The following PLCL1 variants were observed in gnomAD, a reference collection of about 807,000 sequenced individuals.
The protein encoded by PLCL1 is inactive phospholipase C-like protein 1.
Under a neutral mutation model 84.4 loss-of-function variants are expected in PLCL1, and 41 were observed. That is an observed-to-expected ratio of 0.49 (90% CI 0.38 to 0.63). The LOEUF is 0.63. Ranked by LOEUF, PLCL1 falls within the 30% of genes least tolerant of loss-of-function variation. The probability of loss-of-function intolerance (pLI) is 0.00; values close to 1 mark genes in which losing one functional copy is unlikely to be tolerated. For missense variants in PLCL1, 1,206 were observed against 1,367.8 expected, an observed-to-expected ratio of 0.88 and a Z score of 1.87; for synonymous variants, 490 against 488.3, an observed-to-expected ratio of 1.00 and a Z score of -0.05.
intron 1 of PLCL1, among the ~76,000 whole-genome samples, chr2:197,864,855 A>C (rs1687499746): frequency 6.6e-6 from 1 of 152,222 alleles, no homozygotes. Context: ...CAGCAGTTAC[A>C]GAAGCGGTTA....
chr2:198,122,092 T>C (rs1178031588), intron 5 of PLCL1, among the ~76,000 whole-genome samples: 2 of 152,112 alleles, frequency 1.3e-5, no homozygotes, highest in Non-Finnish European at 2.9e-5. Flanking sequence ...TACATTCTAC[T>C]CTTCTAGTGC....
intron 1 of PLCL1, among the ~76,000 whole-genome samples, chr2:198,060,204 G>A (rs1009341603): frequency 5.9e-5 from 9 of 152,154 alleles, no homozygotes; most frequent in African/African-American, 1.9e-4. Flanking sequence ...ACCTTTGATA[G>A]TCTGTCCATT....
intron 1 of PLCL1, among the ~76,000 whole-genome samples, chr2:197,834,850 G>A (rs563006604): frequency 1.8e-4 from 27 of 152,266 alleles, no homozygotes; most frequent in Non-Finnish European, 3.5e-4. Context: ...ACATGCACAC[G>A]TATGTTTATT....
At chr2:198,096,466 T>C (rs1693195832) in intron 3 of PLCL1, among the ~76,000 whole-genome samples, 1 of 152,232 alleles carries the variant, frequency 6.6e-6, no homozygotes, top group Admixed American at 6.5e-5. Context: ...ATTTTCCTAA[T>C]ATATTTGATC....
At chr2:197,929,018 T>A (rs1040141276) in intron 1 of PLCL1, among the ~76,000 whole-genome samples, 1 of 152,224 alleles carries the variant, frequency 6.6e-6, no homozygotes, top group Non-Finnish European at 1.5e-5. Flanking sequence ...GAAAACATTT[T>A]AGCATTGGCA....
chr2:197,843,462 G>A (rs1244860250), intron 1 of PLCL1, among the ~76,000 whole-genome samples: 1 of 152,192 alleles, frequency 6.6e-6, no homozygotes, highest in Non-Finnish European at 1.5e-5. Context: ...TATTGGGTAT[G>A]AGTACATGTG....
chr2:198,060,536 C>T (rs1227484634), intron 1 of PLCL1, among the ~76,000 whole-genome samples: 1 of 152,172 alleles, frequency 6.6e-6, no homozygotes, highest in Non-Finnish European at 1.5e-5. Flanking sequence ...CATTTCAGTC[C>T]TACAGTTCAC....
intron 1 of PLCL1, among the ~76,000 whole-genome samples, chr2:197,832,584 T>C (rs1016252066): frequency 4.7e-5 from 7 of 149,546 alleles, no homozygotes; most frequent in Non-Finnish European, 1.0e-4. Context: ...CAAAGAGGAG[T>C]TGGTACCATT....
chr2:197,927,009 T>C (rs1688844784), intron 1 of PLCL1, among the ~76,000 whole-genome samples: 2 of 152,192 alleles, frequency 1.3e-5, no homozygotes, highest in South Asian at 4.1e-4. Context: ...TGCTTCTTCA[T>C]ATGGTTTGTC....
At chr2:198,144,814 GT>G (rs1241754587) in intron 5 of PLCL1, among the ~76,000 whole-genome samples, 1 of 152,104 alleles carries the variant, frequency 6.6e-6, no homozygotes, top group Non-Finnish European at 1.5e-5. Context: ...GCTTCCATGG[GT>G]AACAATGAAT....
chr2:197,810,855 G>A (rs1407189669), intron 1 of PLCL1, among the ~76,000 whole-genome samples: 1 of 122,034 alleles, frequency 8.2e-6, no homozygotes, highest in African/African-American at 3.6e-5. Context: ...ACTGAGATGT[G>A]CTTAACACTG....
chr2:198,089,404 G>A (rs878871044), intron 3 of PLCL1, among the ~76,000 whole-genome samples: 3 of 152,178 alleles, frequency 2.0e-5, no homozygotes, highest in Non-Finnish European at 4.4e-5. Context: ...AAGTAAACAT[G>A]TCTCAGTGCT....
intron 1 of PLCL1, among the ~76,000 whole-genome samples, chr2:198,012,816 A>G (rs1007570287): frequency 2.6e-5 from 4 of 151,700 alleles, no homozygotes; most frequent in African/African-American, 9.7e-5. Context: ...ACCAAACTGA[A>G]AGAGGTTTAG....
chr2:197,814,725 A>G (rs1247910966), intron 1 of PLCL1, among the ~76,000 whole-genome samples: 2 of 152,196 alleles, frequency 1.3e-5, no homozygotes. Flanking sequence ...GAAGGAAATT[A>G]AAAGTGCTAC....
At chr2:197,906,199 G>T (rs1015629987) in intron 1 of PLCL1, among the ~76,000 whole-genome samples, 1 of 152,108 alleles carries the variant, frequency 6.6e-6, no homozygotes, top group African/African-American at 2.4e-5. Flanking sequence ...ATGGTTTCAG[G>T]TCTTACGTTT....
chr2:198,094,336 C>G (rs1258826182), intron 3 of PLCL1, among the ~76,000 whole-genome samples: 1 of 152,182 alleles, frequency 6.6e-6, no homozygotes, highest in Non-Finnish European at 1.5e-5. Flanking sequence ...GCTGGGATTA[C>G]AGGTGTGAGC....
At chr2:197,943,625 A>ATT (rs1689209373) in intron 1 of PLCL1, among the ~76,000 whole-genome samples, 1 of 101,126 alleles carries the variant, frequency 9.9e-6, no homozygotes, top group African/African-American at 4.0e-5. Context: ...TTTTGGTTAC[A>ATT]TCTTTTTTTT....
intron 1 of PLCL1, among the ~76,000 whole-genome samples, chr2:197,828,175 A>G (rs1690973591): frequency 6.6e-6 from 1 of 152,080 alleles, no homozygotes; most frequent in Non-Finnish European, 1.5e-5. Flanking sequence ...TTTTGTAAAT[A>G]TCAGTATTTC....
chr2:198,107,385 T>C (rs183921574), intron 5 of PLCL1, among the ~76,000 whole-genome samples: 1 of 151,916 alleles, frequency 6.6e-6, no homozygotes. Flanking sequence ...GGCAGCCTAG[T>C]GCAGGAATAA....
Sources: allele counts gnomAD v4.1 joint callset (sites outside exome capture counted in the v4.1 genomes callset), GRCh38; gene constraint gnomAD v4.1.1; transcripts MANE v1.5; gene names NCBI Gene and HGNC (gene_info 2026-07-23, HGNC 2026-07-21).